Variants in DSCAML1 observed in about 807,000 individuals in gnomAD.
The protein encoded by DSCAML1 is DS cell adhesion molecule like 1.
A neutral mutation model predicts 200.5 loss-of-function variants in DSCAML1; 38 were observed. The ratio of observed to expected loss-of-function variants is 0.19; its 90% CI spans 0.15 to 0.25. The LOEUF (loss-of-function observed/expected upper bound fraction) is 0.25, where lower values mean the gene tolerates loss of function less well. Among genes scored for constraint, DSCAML1 ranks in the 10% least tolerant of loss-of-function variants. The probability of loss-of-function intolerance (pLI) is 1.00; values close to 1 mark genes in which losing one functional copy is unlikely to be tolerated. For missense variants in DSCAML1, 2,223 were observed against 2,858.8 expected, an observed-to-expected ratio of 0.78 and a Z score of 5.07; for synonymous variants, 1,215 against 1,165.0, an observed-to-expected ratio of 1.04 and a Z score of -0.87.
At chr11:117,714,262 G>C (rs890711297) in intron 3 of DSCAML1, among the ~76,000 whole-genome samples, 1 of 152,090 alleles carries the variant, frequency 6.6e-6, no homozygotes, top group Non-Finnish European at 1.5e-5. Context: ...AGTATTTCTT[G>C]GGGAACTTTT....
chr11:117,464,995 C>T lies in DSCAML1; in HGVS notation c.3212G>A (p.Arg1071Gln), dbSNP rs753409238. Residue 1071 changes from arginine (R) to glutamine (Q), a missense_variant, in exon 17 of 33, where the codon CGG becomes CAG. By Grantham distance (43) the Arg-to-Gln change is conservative. Transcript: ENST00000651296. ...QYGVVVQAFN[R>Q]AGTGPSSSEI... ...GCTGGAAGAGGGCCCCGTGCCAGCC[C>T]GATTGAAGGCTTGGACCACCACCCC... 8 of 1,614,088 alleles carry T rather than the reference C, an allele frequency of 5.0e-6. No individual in the cohort carries two copies. The highest frequency in any genetic ancestry group is 1.1e-5 in the South Asian group (1 of 91,078).
At chr11:117,808,469 G>A (rs1384935540) in intron 1 of DSCAML1, among the ~76,000 whole-genome samples, 1 of 152,162 alleles carries the variant, frequency 6.6e-6, no homozygotes, top group Non-Finnish European at 1.5e-5. Flanking sequence ...CTGGGTCTCA[G>A]TGGCTCCGAA....
intron 3 of DSCAML1, among the ~76,000 whole-genome samples, chr11:117,675,472 T>A (rs1315085473): frequency 7.8e-5 from 5 of 64,126 alleles, no homozygotes; most frequent in South Asian, 1.7e-3. Context: ...TGATTGAAAT[T>A]TTTTTTTTTT....
chr11:117,590,199 T>C (rs551786661), intron 3 of DSCAML1, among the ~76,000 whole-genome samples: 1 of 152,240 alleles, frequency 6.6e-6, no homozygotes, highest in African/African-American at 2.4e-5. Flanking sequence ...ATTATGTTAT[T>C]TGATTTTTTA....
chr11:117,545,013 C>T (rs558534337), intron 3 of DSCAML1, among the ~76,000 whole-genome samples: 1 of 152,028 alleles, frequency 6.6e-6, no homozygotes, highest in Admixed American at 6.6e-5. Context: ...GGGTGGATCA[C>T]GATGTCGGGA....
At chr11:117,514,534 C>T (rs2049714329) in intron 8 of DSCAML1, among the ~76,000 whole-genome samples, 1 of 150,666 alleles carries the variant, frequency 6.6e-6, no homozygotes, top group South Asian at 2.1e-4. Flanking sequence ...AAGATTCTGA[C>T]ACCAGATGGC....
chr11:117,789,005 C>T (rs965974073), intron 1 of DSCAML1, among the ~76,000 whole-genome samples: 17 of 152,180 alleles, frequency 1.1e-4, no homozygotes, highest in Admixed American at 7.2e-4. Context: ...CCCAACTAAA[C>T]GCCAGCAGCT....
intron 3 of DSCAML1, among the ~76,000 whole-genome samples, chr11:117,718,667 A>AC (rs1295109321): frequency 0.02 from 439 of 22,204 alleles, 126 homozygotes; most frequent in Middle Eastern, 0.048. Context: ...GAATACTCAA[A>AC]ACCCCCCCCC....
intron 1 of DSCAML1, among the ~76,000 whole-genome samples, chr11:117,807,376 C>T (rs1194293868): frequency 1.3e-5 from 2 of 152,214 alleles, no homozygotes; most frequent in Non-Finnish European, 2.9e-5. Flanking sequence ...ATCCCAGTAC[C>T]TACTTCAGAA....
intron 28 of DSCAML1, 32 bp from the exon 29 acceptor site, chr11:117,433,288 A>G: frequency 6.3e-7 from 1 of 1,588,568 alleles, no homozygotes; most frequent in Non-Finnish European, 8.6e-7. Flanking sequence ...GTGGTGGCTC[A>G]GCAGCCATAA....
At chr11:117,751,844 G>C (rs1332303654) in intron 3 of DSCAML1, among the ~76,000 whole-genome samples, 1 of 152,074 alleles carries the variant, frequency 6.6e-6, no homozygotes, top group Non-Finnish European at 1.5e-5. Context: ...AGGGAAAGAG[G>C]TTTTCCTTGA....
At chr11:117,779,758 C>T (rs891493956) in intron 2 of DSCAML1, among the ~76,000 whole-genome samples, 1 of 152,096 alleles carries the variant, frequency 6.6e-6, no homozygotes, top group Non-Finnish European at 1.5e-5. Flanking sequence ...AGTGGTGGCT[C>T]TTAGGGGAAT....
At chr11:117,682,466 C>T (rs2053328631) in intron 3 of DSCAML1, among the ~76,000 whole-genome samples, 1 of 152,198 alleles carries the variant, frequency 6.6e-6, no homozygotes, top group African/African-American at 2.4e-5. Context: ...TGCCACCTCT[C>T]CCATGGCCCA....
chr11:117,762,598 T>A (rs2054822620), intron 3 of DSCAML1, among the ~76,000 whole-genome samples: 1 of 152,144 alleles, frequency 6.6e-6, no homozygotes, highest in South Asian at 2.1e-4. Context: ...CACAGTGGCT[T>A]ACGCCTGTAA....
At position 117,489,745 on chromosome 11, in the gene DSCAML1, A is replaced by G. The variant is rs2049149331; in HGVS notation, c.2360-7583T>C. Reference sequence around the variant, plus strand: ...CCAAGGAGGCTTCCTGATGACTTCCAGGGCTCTTCCCTGACACCCCACATT... The same window carrying G: ...CCAAGGAGGCTTCCTGATGACTTCCGGGGCTCTTCCCTGACACCCCACATT... On this transcript the variant is annotated intron_variant, in intron 11 of 32. Transcript: ENST00000651296. This position sits in a 1 kb window ranked among gnomAD's most constrained non-coding sequence, Gnocchi z 4.8. 1.3e-5 allele frequency among the ~76,000 whole-genome samples: 2 copies of G among 152,288 alleles called. No individual in the cohort carries two copies. The highest frequency in any genetic ancestry group is 1.9e-4 in the East Asian group (1 of 5,176).
In DSCAML1 at chr11:117,802,702, C is replaced by T. The variant is rs1053667392; in HGVS notation, c.-250+14688G>A. Reference sequence around the variant, plus strand: ...AGAAGTCTCAGCAGTTCCTGCTGAGCCCGCATCACTGTGGTCTTCACAGTT... The same window carrying T: ...AGAAGTCTCAGCAGTTCCTGCTGAGTCCGCATCACTGTGGTCTTCACAGTT... On this transcript the variant is annotated intron_variant, in intron 1 of 2. Coordinates refer to the DSCAML1 transcript ENST00000525836. 1.4e-4 allele frequency among the ~76,000 whole-genome samples: 22 copies of T among 152,112 alleles called. 2 individuals are homozygous for T. The highest frequency in any genetic ancestry group is 1.3e-4 in the Non-Finnish European group (9 of 68,046).
At chr11:117,588,507 G>T (rs2051195239) in intron 3 of DSCAML1, among the ~76,000 whole-genome samples, 1 of 152,180 alleles carries the variant, frequency 6.6e-6, no homozygotes, top group South Asian at 2.1e-4. Flanking sequence ...CCCTGAGCCG[G>T]TGCATTGAGG....
chr11:117,814,469 A>G (rs2055786634), intron 1 of DSCAML1, among the ~76,000 whole-genome samples: 1 of 152,050 alleles, frequency 6.6e-6, no homozygotes, highest in Non-Finnish European at 1.5e-5. Context: ...TGACCCCACA[A>G]CTTCCTTGCT....
chr11:117,477,729 C>A (rs1418665858), intron 14 of DSCAML1, among the ~76,000 whole-genome samples: 1 of 152,216 alleles, frequency 6.6e-6, no homozygotes, highest in Non-Finnish European at 1.5e-5. Context: ...CCCTACTTCA[C>A]AGATGGGGAA....
Sources: allele counts gnomAD v4.1 joint callset (sites outside exome capture counted in the v4.1 genomes callset), GRCh38; gene constraint gnomAD v4.1.1; non-coding constraint Gnocchi (gnomAD v3.1); transcripts MANE v1.5; gene names NCBI Gene and HGNC (gene_info 2026-07-23, HGNC 2026-07-21).